GABBR2: variants seen among roughly 807,000 people sequenced by gnomAD.
GABBR2 encodes gamma-aminobutyric acid type B receptor subunit 2.
GABBR2 carries 23 observed loss-of-function variants against 105.6 expected under a neutral mutation model. That is an observed-to-expected ratio of 0.22 (90% CI 0.16 to 0.31). The LOEUF (loss-of-function observed/expected upper bound fraction) is 0.31. GABBR2 is among the 10% of genes least tolerant of loss of function. The pLI is 1.00. For synonymous variants in GABBR2, 478 were observed against 499.7 expected (o/e 0.96, Z 0.58); for missense variants, 734 against 1,245.5 (o/e 0.59, Z 6.18).
At chr9:98,589,711 CTTTTTTTT>C (rs561852717) in intron 1 of GABBR2, among the ~76,000 whole-genome samples, 1 of 132,732 alleles carries the variant, frequency 7.5e-6, no homozygotes, top group Non-Finnish European at 1.6e-5. Flanking sequence ...GTTTGGCTGT[CTTTTTTTT>C]TTTTTTTTTT....
At chr9:98,559,531 A>G (rs1011564032) in intron 2 of GABBR2, among the ~76,000 whole-genome samples, 4 of 152,234 alleles carry the variant, frequency 2.6e-5, no homozygotes, top group Non-Finnish European at 4.4e-5. Flanking sequence ...TCTTTCACAA[A>G]GAGATTTATT....
intron 2 of GABBR2, among the ~76,000 whole-genome samples, chr9:98,577,437 G>A (rs373631274): frequency 2.6e-5 from 4 of 152,218 alleles, no homozygotes; most frequent in Admixed American, 6.5e-5. Context: ...AGACTTAACC[G>A]AGGACAAAGG....
intron 12 of GABBR2, among the ~76,000 whole-genome samples, chr9:98,368,857 T>C (rs2131457315): frequency 6.6e-6 from 1 of 152,236 alleles, no homozygotes. Flanking sequence ...TGGCCAGGGA[T>C]GGGGAAAACA....
chr9:98,424,211 C>G (rs1232385096), intron 7 of GABBR2, among the ~76,000 whole-genome samples: 1 of 152,148 alleles, frequency 6.6e-6, no homozygotes, highest in Admixed American at 6.5e-5. Flanking sequence ...AGCATATAAA[C>G]AGAACCAAAG....
At chr9:98,678,536 G>A (rs766102677) in intron 1 of GABBR2, among the ~76,000 whole-genome samples, 8 of 152,164 alleles carry the variant, frequency 5.3e-5, no homozygotes, top group East Asian at 3.8e-4. Context: ...TTTATGTCCC[G>A]CAATTTAAAT....
chr9:98,398,046 A>G (rs1204534116), intron 8 of GABBR2, among the ~76,000 whole-genome samples: 1 of 152,082 alleles, frequency 6.6e-6, no homozygotes, highest in Non-Finnish European at 1.5e-5. Flanking sequence ...TGTTAACTCC[A>G]CCGTGCAAAC....
chr9:98,307,149 G>GGAGGTAAAT (rs1342467518), intron 14 of GABBR2, among the ~76,000 whole-genome samples: 2 of 152,162 alleles, frequency 1.3e-5, no homozygotes, highest in Non-Finnish European at 2.9e-5. Context: ...CTCTGGACTA[G>GGAGGTAAAT]GTTTACCTGA....
Position 98,319,754 on chromosome 9 carries a change from G to A in GABBR2, c.1894-8549C>T, listed in dbSNP as rs73492810. On this transcript the variant is annotated intron_variant, in intron 13 of 18. Coordinates refer to ENST00000259455, the MANE Select transcript of GABBR2 (RefSeq NM_005458.8). ...TTCTTATAGGTGGAGAAACGCAGGC[G>A]CAGAAAAGAACCTGGAACTAGCAGC... 7.1e-3 allele frequency among the ~76,000 whole-genome samples: 1,085 copies of A among 152,222 alleles called. 14 individuals carry two copies. The highest frequency in any genetic ancestry group is 0.025 in the African/African-American group (1,047 of 41,538).
At chr9:98,610,205 C>T (rs1037915495) in intron 1 of GABBR2, among the ~76,000 whole-genome samples, 3 of 152,210 alleles carry the variant, frequency 2.0e-5, no homozygotes, top group East Asian at 1.9e-4. Flanking sequence ...TTCCTGGTGG[C>T]GTGACAGTGG....
chr9:98,293,992 G>A (rs1588084643), intron 17 of GABBR2, 90 bp from the exon 18 acceptor site: 1 of 802,658 alleles, frequency 1.2e-6, no homozygotes, highest in East Asian at 2.4e-5. Context: ...GATGCCCCAA[G>A]AGACAGAATG....
At chr9:98,436,325 TATATATACACACACACACACA>T (rs1825907124) in intron 7 of GABBR2, among the ~76,000 whole-genome samples, 2 of 49,238 alleles carry the variant, frequency 4.1e-5, no homozygotes, top group Admixed American at 4.7e-4. Flanking sequence ...ACCATATATA[TATATATACACACACACACACA>T]CCATATATAT....
chr9:98,292,342 G>A (rs1396557159), intron 18 of GABBR2, among the ~76,000 whole-genome samples: 6 of 152,248 alleles, frequency 3.9e-5, no homozygotes, highest in Middle Eastern at 3.2e-3. Context: ...AACAAAACCA[G>A]AACTGGGGAA....
chr9:98,559,442 G>T (rs1162263485), intron 2 of GABBR2, among the ~76,000 whole-genome samples: 1 of 152,210 alleles, frequency 6.6e-6, no homozygotes, highest in Non-Finnish European at 1.5e-5. Context: ...AAACCAAAGA[G>T]AAAGTATTCT....
intron 1 of GABBR2, among the ~76,000 whole-genome samples, chr9:98,624,052 G>A (rs896874494): frequency 6.6e-6 from 1 of 152,202 alleles, no homozygotes; most frequent in Admixed American, 6.5e-5. Context: ...TCTGTCCTGT[G>A]AGGTCACCTG....
Position 98,289,540 on chromosome 9 carries a change from G to A in GABBR2, c.*1044C>T, listed in dbSNP as rs1367724029. On this transcript the variant is annotated 3_prime_UTR_variant, in exon 19 of 19. Transcript: ENST00000259455. ...GGAAGGCTGCCTTCTGGAAGCCAAGGGAAGCCCTCAGCCAGCAACTCTCTC... is the reference window on the plus strand; with the variant it reads ...GGAAGGCTGCCTTCTGGAAGCCAAGAGAAGCCCTCAGCCAGCAACTCTCTC... 1 of 152,440 alleles carries A rather than the reference G, an allele frequency of 6.6e-6. No individual in the cohort carries two copies. The highest frequency in any genetic ancestry group is 1.5e-5 in the Non-Finnish European group (1 of 67,998). 9.4% of individuals were successfully genotyped at this position (152,440 alleles called of 1,614,324 possible).
chr9:98,655,413 TACAGA>T (rs1275931628), intron 1 of GABBR2, among the ~76,000 whole-genome samples: 1 of 151,876 alleles, frequency 6.6e-6, no homozygotes, highest in Non-Finnish European at 1.5e-5. Context: ...AAAGAAAAGG[TACAGA>T]AGCTAGGGCT....
At chr9:98,594,303 G>T (rs1230535005) in intron 1 of GABBR2, among the ~76,000 whole-genome samples, 1 of 152,222 alleles carries the variant, frequency 6.6e-6, no homozygotes, top group Non-Finnish European at 1.5e-5. Context: ...GTGGCTGAGA[G>T]CCTGCTAAGG....
At chr9:98,683,173 A>C (rs1321161001) in intron 1 of GABBR2, among the ~76,000 whole-genome samples, 2 of 152,024 alleles carry the variant, frequency 1.3e-5, no homozygotes, top group Admixed American at 1.3e-4. Flanking sequence ...AGCTCACTGA[A>C]ACCTCCACCT....
chr9:98,634,322 G>A (rs1014294603), intron 1 of GABBR2, among the ~76,000 whole-genome samples: 25 of 152,166 alleles, frequency 1.6e-4, no homozygotes, highest in Non-Finnish European at 3.1e-4. Flanking sequence ...TAGTGTCCCC[G>A]TGAAATTCAC....
Sources: gnomAD v4.1 joint callset for allele counts (sites outside exome capture counted in the v4.1 genomes callset) on GRCh38, gnomAD v4.1.1 for gene constraint, MANE v1.5 for transcripts, NCBI Gene and HGNC (gene_info 2026-07-23, HGNC 2026-07-21) for gene names.